ZEB2: variants seen among roughly 807,000 people sequenced by gnomAD.
ZEB2 encodes zinc finger E-box-binding homeobox 2.
In ZEB2, 6 loss-of-function variants were observed where a neutral mutation model predicts 99.9. That is an observed-to-expected ratio of 0.06 (90% CI 0.03 to 0.12). The LOEUF is 0.12. ZEB2 is among the 10% of genes least tolerant of loss of function. The probability of loss-of-function intolerance (pLI) is 1.00; values close to 1 mark genes in which losing one functional copy is unlikely to be tolerated. For synonymous variants in ZEB2, 517 were observed against 542.5 expected, an observed-to-expected ratio of 0.95 and a Z score of 0.65; for missense variants, 969 against 1,502.8, an observed-to-expected ratio of 0.64 and a Z score of 5.87.
chr2:144,500,718 G>C (rs187824126), intron 2 of ZEB2, among the ~76,000 whole-genome samples: 148 of 152,276 alleles, frequency 9.7e-4, no homozygotes, highest in African/African-American at 3.3e-3. Context: ...GTCTAATATG[G>C]TAAGTTTATG....
Position 144,388,953 on chromosome 2 carries a change from AT to A in ZEB2, c.*497del. ...CTTAAGCTGAAAAAAAAAATGGGAAATTGATGAATAGCGAAAGGAAAGTACA... is the reference window on the plus strand; with the variant it reads ...CTTAAGCTGAAAAAAAAAATGGGAAATGATGAATAGCGAAAGGAAAGTACA... On this transcript the variant is annotated 3_prime_UTR_variant, in exon 10 of 10. Transcript: ENST00000627532. The surrounding 1 kb of genome is among the most constrained non-coding windows in gnomAD (Gnocchi z 5.4). 1 of 450,474 alleles carries A rather than the reference AT, an allele frequency of 2.2e-6. No homozygotes were observed. Among genetic ancestry groups the A allele is most frequent in the Non-Finnish European group, 4.4e-6 (1 of 228,038 alleles). The allele number at this position is 450,474 out of a possible 1,614,324, so 27.9% of individuals were successfully genotyped here. A position where few individuals can be genotyped will look rare whatever the true frequency, so the allele number is the denominator to read the frequency against.
chr2:144,487,867 C>A (rs1704620947), intron 2 of ZEB2, among the ~76,000 whole-genome samples: 1 of 152,216 alleles, frequency 6.6e-6, no homozygotes, highest in African/African-American at 2.4e-5. Flanking sequence ...CAGCAATACT[C>A]AAAGTTGAAC....
At chr2:144,498,480 C>A (rs1704821696) in intron 2 of ZEB2, among the ~76,000 whole-genome samples, 1 of 151,928 alleles carries the variant, frequency 6.6e-6, no homozygotes, top group Non-Finnish European at 1.5e-5. Context: ...GAAGTCTGCA[C>A]CCACCCTCGC....
At chr2:144,454,132 G>A (rs992139891) in intron 2 of ZEB2, among the ~76,000 whole-genome samples, 2 of 152,200 alleles carry the variant, frequency 1.3e-5, no homozygotes, top group Non-Finnish European at 2.9e-5. Flanking sequence ...AGTATTACTA[G>A]TATGACCTTA....
rs747578586 is a variant in ZEB2 at position 144,424,798 on chromosome 2, G to A, written c.401C>T (p.Thr134Ile). The change falls in exon 4 of 10, where the codon ACA (threonine) becomes ATA (isoleucine). Residue 134 changes from threonine to isoleucine, a missense_variant and splice_region_variant. Physicochemically the swap from Thr to Ile is moderately conservative, Grantham distance 89. Coordinates refer to ENST00000627532, the MANE Select transcript of ZEB2 (RefSeq NM_014795.4). ...ATIQTAINNG[T>I]VKNANCTSDF... Reference sequence around the variant, plus strand: ...TGAGCGTGGCCAACATAACTCACCTGTACCATTGTTAATTGCGGTCTGGAT... The same window carrying A: ...TGAGCGTGGCCAACATAACTCACCTATACCATTGTTAATTGCGGTCTGGAT... 2 of 1,614,042 alleles carry A rather than the reference G, an allele frequency of 1.2e-6. No individual in the cohort carries two copies. Among genetic ancestry groups the A allele is most frequent in the South Asian group, 2.2e-5 (2 of 91,090 alleles).
chr2:144,405,217 A>C lies in ZEB2; in HGVS notation c.404-193T>G, dbSNP rs77872690. 0.054 allele frequency: 34,249 copies of C among 629,330 alleles called. 1,264 individuals carry two copies. The highest frequency in any genetic ancestry group is 0.13 in the Middle Eastern group (339 of 2,516). The allele number at this position is 629,330 out of a possible 1,614,324, so 39.0% of individuals were successfully genotyped here. A position where few individuals can be genotyped will look rare whatever the true frequency, so the allele number is the denominator to read the frequency against. The stretch of plus-strand genomic sequence containing the variant: ...TTGCAATATATGCAAGAAGGCGGGC[A>C]CTTTCCTTCAAGTTAAATAAGCACA... On this transcript the variant is annotated intron_variant, in intron 4 of 9. Coordinates refer to ENST00000627532, the MANE Select transcript of ZEB2 (RefSeq NM_014795.4).
intron 2 of ZEB2, chr2:144,511,276 GA>G (rs1445998383): frequency 3.3e-6 from 2 of 612,944 alleles, no homozygotes; most frequent in East Asian, 1.7e-4. Context: ...ACGGAAAGAA[GA>G]GAAAAGCCAA....
chr2:144,441,185 G>GAGAGAGAGAGAGAC (rs1703912570), intron 2 of ZEB2, among the ~76,000 whole-genome samples: 1 of 150,140 alleles, frequency 6.7e-6, no homozygotes, highest in African/African-American at 2.5e-5. Context: ...GAGAGAGAGA[G>GAGAGAGAGAGAGAC]AGAGAGAGAG....
Position 144,483,117 on chromosome 2 carries a change from GACACACACACAC to G in ZEB2, c.73+34149_73+34160del, listed in dbSNP as rs70985858. Among the ~76,000 whole-genome samples the G allele has an allele frequency of 1.3e-3, 173 of 130,760 alleles. 1 individual carries two copies. Among genetic ancestry groups the G allele is most frequent in the Non-Finnish European group, 2.0e-3 (127 of 62,344 alleles). The allele number at this position is 130,760 out of a possible 152,430, so 85.8% of individuals were successfully genotyped here. On this transcript the variant is annotated intron_variant, in intron 2 of 9. Transcript: ENST00000627532. ...AGAGAAAAAGTCAGTGTTTAGGTAA[GACACACACACAC>G]ACACACACACACACACACACACACA...
intron 2 of ZEB2, among the ~76,000 whole-genome samples, chr2:144,433,978 GA>G (rs1024372569): frequency 3.3e-5 from 5 of 152,158 alleles, no homozygotes; most frequent in African/African-American, 9.7e-5. Flanking sequence ...TGAAATAGCA[GA>G]ACTGTTGTTT....
At chr2:144,400,631 A>T (rs545002453) in intron 7 of ZEB2, among the ~76,000 whole-genome samples, 17 of 152,236 alleles carry the variant, frequency 1.1e-4, no homozygotes, top group Non-Finnish European at 2.1e-4. Context: ...CATGGCTTTA[A>T]TAAACTTTGT....
chr2:144,405,163 A>G, intron 4 of ZEB2, 139 bp from the exon 5 acceptor site: 1 of 913,818 alleles, frequency 1.1e-6, no homozygotes, highest in Non-Finnish European at 1.7e-6. Context: ...AGTGTTGAAG[A>G]TGACCGATTA....
chr2:144,514,105 GC>G (rs1705091445), intron 2 of ZEB2: 1 of 348,914 alleles, frequency 2.9e-6, no homozygotes, highest in East Asian at 5.7e-5. Flanking sequence ...CACTGCCTCT[GC>G]CAGGCATCTT....
At chr2:144,471,983 ATAAG>A (rs1473470697) in intron 2 of ZEB2, among the ~76,000 whole-genome samples, 1 of 152,146 alleles carries the variant, frequency 6.6e-6, no homozygotes, top group Non-Finnish European at 1.5e-5. Context: ...TGAGATCTAA[ATAAG>A]TATGTAGAAC....
intron 2 of ZEB2, among the ~76,000 whole-genome samples, chr2:144,508,099 A>G (rs1704975319): frequency 6.6e-6 from 1 of 152,218 alleles, no homozygotes; most frequent in Non-Finnish European, 1.5e-5. Flanking sequence ...CATACAAATA[A>G]CATAAAACTT....
At chr2:144,409,327 G>T (rs942546042) in intron 4 of ZEB2, among the ~76,000 whole-genome samples, 1 of 152,150 alleles carries the variant, frequency 6.6e-6, no homozygotes, top group Non-Finnish European at 1.5e-5. Context: ...AAGTTTGTAT[G>T]TTTGTTTTTA....
At chr2:144,484,236 T>G (rs984824027) in intron 2 of ZEB2, among the ~76,000 whole-genome samples, 1 of 94,724 alleles carries the variant, frequency 1.1e-5, no homozygotes, top group Non-Finnish European at 2.5e-5. Context: ...TTTTAAATAT[T>G]GGCAACCAAT....
chr2:144,513,921 A>C, intron 2 of ZEB2: 1 of 1,476,934 alleles, frequency 6.8e-7, no homozygotes, highest in South Asian at 1.3e-5. Flanking sequence ...ATCTGACTGA[A>C]CTTTCTTGAA....
Position 144,517,330 on chromosome 2 carries a change from C to G in ZEB2, c.21G>C (p.Ala7=). ...TGCGCCTCTTGCACCGGGGGCCATC[C>G]GCCATGATCGGCTGCTTCATTGATA... The part of the protein sequence containing the change: MKQPIM[A]DGPRCKRRKQ... The change falls in exon 2 of 10, where the codon GCG becomes GCC. Residue 7 remains alanine (A), a synonymous_variant. Transcript: ENST00000627532. 1.2e-6 allele frequency: 2 copies of G among 1,613,606 alleles called. No homozygotes were observed. The highest frequency in any genetic ancestry group is 1.7e-6 in the Non-Finnish European group (2 of 1,179,858).
Sources: gnomAD v4.1 joint callset for allele counts (sites outside exome capture counted in the v4.1 genomes callset) on GRCh38, gnomAD v4.1.1 for gene constraint, Gnocchi (gnomAD v3.1) non-coding constraint, MANE v1.5 for transcripts, NCBI Gene and HGNC (gene_info 2026-07-23, HGNC 2026-07-21) for gene names.